The following STPG4 variants were observed in gnomAD, a reference collection of about 807,000 sequenced individuals.
STPG4 encodes the protein sperm-tail PG-rich repeat containing 4, also known as protein STPG4.
In STPG4, 41 loss-of-function variants were observed where a neutral mutation model predicts 31.5. The ratio of observed to expected loss-of-function variants is 1.30; its 90% CI spans 1.01 to 1.69. The LOEUF (loss-of-function observed/expected upper bound fraction) is 1.69. Among genes scored for constraint, STPG4 ranks in the 40% most tolerant of loss-of-function variants. The pLI, the probability that STPG4 is intolerant of heterozygous loss-of-function variation, is 0.00. For synonymous variants in STPG4, 141 were observed against 103.0 expected (o/e 1.37, Z -2.24); for missense variants, 375 against 293.4 (o/e 1.28, Z -2.03).
At chr2:47,144,868 C>T (rs1650885530) in intron 3 of STPG4, among the ~76,000 whole-genome samples, 1 of 152,068 alleles carries the variant, frequency 6.6e-6, no homozygotes, top group Middle Eastern at 3.2e-3. Flanking sequence ...GTAGCTGGGA[C>T]TACAGGTGCG....
At chr2:47,112,639 G>A (rs939100730) in intron 5 of STPG4, among the ~76,000 whole-genome samples, 1 of 152,050 alleles carries the variant, frequency 6.6e-6, no homozygotes, top group Non-Finnish European at 1.5e-5. Flanking sequence ...CTACTATATT[G>A]CACCAGATCT....
intron 5 of STPG4, among the ~76,000 whole-genome samples, chr2:47,115,538 G>A (rs1303115507): frequency 6.6e-6 from 1 of 152,018 alleles, no homozygotes; most frequent in African/African-American, 2.4e-5. Context: ...TCATCTTTCT[G>A]AGGATGCTAA....
intron 5 of STPG4, among the ~76,000 whole-genome samples, chr2:47,121,755 T>C (rs1457420772): frequency 1.3e-5 from 2 of 152,158 alleles, no homozygotes; most frequent in South Asian, 2.1e-4. Context: ...AGCTGTTCCT[T>C]ACCTCTTTCA....
intron 5 of STPG4, among the ~76,000 whole-genome samples, chr2:47,094,658 C>A (rs988780026): frequency 1.8e-4 from 27 of 152,178 alleles, no homozygotes; most frequent in African/African-American, 6.3e-4. Flanking sequence ...AAGAGCTGAG[C>A]TATCTGCCTG....
chr2:47,094,171 C>G (rs184222980), intron 5 of STPG4, among the ~76,000 whole-genome samples: 7 of 152,342 alleles, frequency 4.6e-5, no homozygotes. Context: ...ATTCACCAAG[C>G]AGCACTAAGC....
At chr2:47,090,922 T>C (rs1685558174) in intron 5 of STPG4, among the ~76,000 whole-genome samples, 1 of 152,164 alleles carries the variant, frequency 6.6e-6, no homozygotes, top group Admixed American at 6.5e-5. Flanking sequence ...GTAGGAAAAT[T>C]AGCAACAGGC....
At chr2:47,127,354 C>A (rs545659562) in intron 5 of STPG4, among the ~76,000 whole-genome samples, 2 of 142,814 alleles carry the variant, frequency 1.4e-5, no homozygotes, top group African/African-American at 5.1e-5. Flanking sequence ...CTGCAAGCTC[C>A]GCCTCCCAGG....
At chr2:47,126,222 C>A (rs375483195) in intron 5 of STPG4, among the ~76,000 whole-genome samples, 1 of 152,074 alleles carries the variant, frequency 6.6e-6, no homozygotes, top group Non-Finnish European at 1.5e-5. Flanking sequence ...TGTGGTTCCA[C>A]GTTAAGTTTT....
At chr2:47,119,777 G>A (rs1337323499) in intron 5 of STPG4, among the ~76,000 whole-genome samples, 1 of 152,182 alleles carries the variant, frequency 6.6e-6, no homozygotes, top group East Asian at 1.9e-4. Flanking sequence ...TTATTTGCAG[G>A]GCACCAAGCA....
intron 5 of STPG4, among the ~76,000 whole-genome samples, chr2:47,092,721 T>A (rs1251619445): frequency 1.3e-5 from 2 of 151,714 alleles, no homozygotes; most frequent in Non-Finnish European, 2.9e-5. Flanking sequence ...AAGATCCTTA[T>A]AATAGGTAAG....
chr2:47,132,508 T>C (rs1686505927), intron 3 of STPG4, among the ~76,000 whole-genome samples: 1 of 152,218 alleles, frequency 6.6e-6, no homozygotes, highest in African/African-American at 2.4e-5. Flanking sequence ...AGAGTGATGA[T>C]AACAGTCAAT....
intron 5 of STPG4, among the ~76,000 whole-genome samples, chr2:47,096,181 A>C (rs1258244071): frequency 1.3e-5 from 2 of 152,224 alleles, no homozygotes; most frequent in Admixed American, 1.3e-4. Flanking sequence ...CCTAGCAAGG[A>C]AGGCATACCT....
At chr2:47,091,787 C>A (rs1273269784) in intron 5 of STPG4, among the ~76,000 whole-genome samples, 1 of 152,128 alleles carries the variant, frequency 6.6e-6, no homozygotes, top group Non-Finnish European at 1.5e-5. Flanking sequence ...TTTGACCCAG[C>A]AATTCCAGTT....
intron 5 of STPG4, among the ~76,000 whole-genome samples, chr2:47,101,093 A>T (rs35609054): frequency 0.055 from 8,366 of 151,862 alleles, 420 homozygotes; most frequent in African/African-American, 0.11. Flanking sequence ...AGTGAGTACC[A>T]TCGGACCCCT....
chr2:47,134,309 G>A (rs918569266), intron 3 of STPG4, among the ~76,000 whole-genome samples: 4 of 152,088 alleles, frequency 2.6e-5, no homozygotes, highest in South Asian at 4.1e-4. Flanking sequence ...CACTATTATA[G>A]TATCACAGAG....
Position 47,130,347 on chromosome 2 carries a change from G to T in STPG4, c.400-87C>A. 3 of 1,082,076 alleles carry T rather than the reference G, an allele frequency of 2.8e-6. No individual in the cohort carries two copies. The South Asian group carries it at 4.0e-5, about 14-fold the overall frequency. The allele number at this position is 1,082,076 out of a possible 1,614,324, so 67.0% of individuals were successfully genotyped here. A position where few individuals can be genotyped will look rare whatever the true frequency, so the allele number is the denominator to read the frequency against. On this transcript the variant is annotated intron_variant, in intron 3 of 6. Transcript: ENST00000445927. ...TGTCATTCGTAATCTTTTATTTTAT[G>T]ACCATACAACATTGGATAATTCCTT...
At chr2:47,107,256 C>G (rs1247735206) in intron 5 of STPG4, among the ~76,000 whole-genome samples, 9 of 152,104 alleles carry the variant, frequency 5.9e-5, no homozygotes, top group African/African-American at 2.2e-4. Context: ...AGCCGGCTCC[C>G]TCAGCTTGCA....
At chr2:47,102,112 C>A (rs552719295) in intron 5 of STPG4, among the ~76,000 whole-genome samples, 1 of 151,678 alleles carries the variant, frequency 6.6e-6, no homozygotes, top group Non-Finnish European at 1.5e-5. Flanking sequence ...GCTGCTGCGT[C>A]GGTGAGCCCA....
At chr2:47,147,956 C>CTTT (rs11417126) in intron 3 of STPG4, among the ~76,000 whole-genome samples, 5 of 147,010 alleles carry the variant, frequency 3.4e-5, no homozygotes, top group African/African-American at 7.6e-5. Flanking sequence ...ATACATATTC[C>CTTT]TTTTTTTTTT....
Sources: allele counts gnomAD v4.1 joint callset (sites outside exome capture counted in the v4.1 genomes callset), GRCh38; gene constraint gnomAD v4.1.1; transcripts MANE v1.5; gene names NCBI Gene and HGNC (gene_info 2026-07-23, HGNC 2026-07-21).